The following MARCHF1 variants were observed in gnomAD, a reference collection of about 807,000 sequenced individuals.
The protein encoded by MARCHF1 is membrane associated ring-CH-type finger 1, also known as E3 ubiquitin-protein ligase MARCHF1.
MARCHF1 carries 40 observed loss-of-function variants against 54.2 expected under a neutral mutation model. The observed-to-expected ratio is 0.74, with a 90% CI of 0.57 to 0.96. The LOEUF (loss-of-function observed/expected upper bound fraction) is 0.96, where lower values mean the gene tolerates loss of function less well. Among genes scored for constraint, MARCHF1 ranks in the 40% least tolerant of loss-of-function variants. The pLI, the probability that MARCHF1 is intolerant of heterozygous loss-of-function variation, is 0.00. For missense variants in MARCHF1, 586 were observed against 656.5 expected, an observed-to-expected ratio of 0.89 and a Z score of 1.17; for synonymous variants, 236 against 236.3, an observed-to-expected ratio of 1.00 and a Z score of 0.01.
intron 2 of MARCHF1, among the ~76,000 whole-genome samples, chr4:164,063,986 T>C (rs1236478828): frequency 1.3e-5 from 2 of 152,218 alleles, no homozygotes; most frequent in Non-Finnish European, 2.9e-5. Context: ...TGTGGTCTTA[T>C]TCATGAGTTC....
intron 1 of MARCHF1, among the ~76,000 whole-genome samples, chr4:164,316,715 T>C (rs761737057): frequency 5.9e-5 from 9 of 152,208 alleles, no homozygotes; most frequent in Non-Finnish European, 1.2e-4. Flanking sequence ...ACAAATCCCA[T>C]GTCGAATTGT....
At chr4:163,841,292 G>A (rs755382434) in intron 4 of MARCHF1, among the ~76,000 whole-genome samples, 5 of 152,066 alleles carry the variant, frequency 3.3e-5, no homozygotes, top group Non-Finnish European at 5.9e-5. Flanking sequence ...TATGACATGC[G>A]AATGTAGGTT....
chr4:163,552,206 T>C (rs1739129418), intron 8 of MARCHF1, among the ~76,000 whole-genome samples: 2 of 152,216 alleles, frequency 1.3e-5, no homozygotes, highest in Admixed American at 1.3e-4. Flanking sequence ...CTGATAACAG[T>C]ACAAGAAGGT....
intron 2 of MARCHF1, among the ~76,000 whole-genome samples, chr4:164,101,067 C>G (rs1194014178): frequency 6.6e-6 from 1 of 152,264 alleles, no homozygotes; most frequent in Non-Finnish European, 1.5e-5. Flanking sequence ...GCTTAAAAAA[C>G]TGTGCACCAC....
At chr4:164,268,394 T>C (rs1330693797) in intron 1 of MARCHF1, among the ~76,000 whole-genome samples, 7 of 152,086 alleles carry the variant, frequency 4.6e-5, no homozygotes, top group Admixed American at 6.6e-5. Context: ...AGGAGGTCTT[T>C]ATATAAAGCA....
intron 1 of MARCHF1, among the ~76,000 whole-genome samples, chr4:164,173,757 C>G (rs1450685368): frequency 6.6e-6 from 1 of 152,162 alleles, no homozygotes; most frequent in Non-Finnish European, 1.5e-5. Flanking sequence ...TGGAAGCTTC[C>G]TGAGGTCCTC....
intron 5 of MARCHF1, among the ~76,000 whole-genome samples, chr4:163,669,433 A>G (rs1433225866): frequency 6.6e-6 from 1 of 152,120 alleles, no homozygotes; most frequent in Non-Finnish European, 1.5e-5. Context: ...CTTCCTGCTA[A>G]CACTTAATCC....
At chr4:163,555,770 A>C in intron 8 of MARCHF1, 1 of 309,014 alleles carries the variant, frequency 3.2e-6, no homozygotes, top group Admixed American at 3.7e-5. Flanking sequence ...ACCCTTGCCG[A>C]GCGGACTCTT....
chr4:163,797,928 A>C (rs1485474199), intron 4 of MARCHF1, among the ~76,000 whole-genome samples: 1 of 152,128 alleles, frequency 6.6e-6, no homozygotes, highest in Non-Finnish European at 1.5e-5. Flanking sequence ...GTGTGTCTGT[A>C]ATTTTCAACT....
intron 2 of MARCHF1, among the ~76,000 whole-genome samples, chr4:164,024,787 G>A (rs1377146935): frequency 1.3e-5 from 2 of 151,994 alleles, no homozygotes; most frequent in Non-Finnish European, 2.9e-5. Context: ...AAAAGACAGA[G>A]TCACATACTG....
At chr4:163,811,617 TG>T (rs757929795) in intron 4 of MARCHF1, among the ~76,000 whole-genome samples, 1 of 152,152 alleles carries the variant, frequency 6.6e-6, no homozygotes, top group Non-Finnish European at 1.5e-5. Context: ...TGAAAATGTA[TG>T]TTGGCAGGAA....
chr4:163,842,838 T>C (rs1318672917), intron 4 of MARCHF1, among the ~76,000 whole-genome samples: 1 of 152,122 alleles, frequency 6.6e-6, no homozygotes, highest in African/African-American at 2.4e-5. Context: ...GGAATACCCA[T>C]TGTTTTCTGT....
intron 2 of MARCHF1, among the ~76,000 whole-genome samples, chr4:164,011,666 T>C (rs1349526873): frequency 6.6e-6 from 1 of 152,180 alleles, no homozygotes; most frequent in Non-Finnish European, 1.5e-5. Context: ...ACTTATACAC[T>C]GTTGGTGAGA....
intron 3 of MARCHF1, among the ~76,000 whole-genome samples, chr4:163,959,073 G>A (rs1752287724): frequency 6.6e-6 from 1 of 151,886 alleles, no homozygotes; most frequent in Non-Finnish European, 1.5e-5. Flanking sequence ...GAGGTTATCT[G>A]AGAATCTGTT....
intron 4 of MARCHF1, among the ~76,000 whole-genome samples, chr4:163,721,534 C>T (rs1179188245): frequency 6.6e-6 from 1 of 152,126 alleles, no homozygotes; most frequent in African/African-American, 2.4e-5. Flanking sequence ...CAGGATGATG[C>T]TGGCCTCATA....
At chr4:164,161,546 C>CATA (rs1466857153) in intron 1 of MARCHF1, among the ~76,000 whole-genome samples, 1 of 97,990 alleles carries the variant, frequency 1.0e-5, no homozygotes, top group Non-Finnish European at 1.8e-5. Flanking sequence ...TCATCATCAT[C>CATA]AGCAGCAGCA....
At chr4:164,029,672 G>C (rs13115600) in intron 2 of MARCHF1, among the ~76,000 whole-genome samples, 70,416 of 151,886 alleles carry the variant, frequency 0.46, 17,929 homozygotes, top group Non-Finnish European at 0.57. Flanking sequence ...TCAGCTCACT[G>C]CAACCTCTGC....
intron 1 of MARCHF1, among the ~76,000 whole-genome samples, chr4:164,314,252 G>T (rs568564630): frequency 6.6e-6 from 1 of 152,108 alleles, no homozygotes; most frequent in South Asian, 2.1e-4. Flanking sequence ...TGGAGTGTTC[G>T]TCACAGCTTG....
At chr4:163,814,320 C>G (rs1748475252) in intron 4 of MARCHF1, among the ~76,000 whole-genome samples, 1 of 152,180 alleles carries the variant, frequency 6.6e-6, no homozygotes. Context: ...TTCAAACTCT[C>G]TTTTCTCATT....
Sources: gnomAD v4.1 joint callset for allele counts (sites outside exome capture counted in the v4.1 genomes callset) on GRCh38, gnomAD v4.1.1 for gene constraint, MANE v1.5 for transcripts, NCBI Gene and HGNC (gene_info 2026-07-23, HGNC 2026-07-21) for gene names.